The following MTHFD1L variants were observed in gnomAD, a reference collection of about 807,000 sequenced individuals.
The protein encoded by MTHFD1L is methylenetetrahydrofolate dehydrogenase (NADP+ dependent) 1 like.
Under a neutral mutation model 119.5 loss-of-function variants are expected in MTHFD1L, and 81 were observed. The ratio of observed to expected loss-of-function variants is 0.68; its 90% confidence interval spans 0.57 to 0.82. The LOEUF is 0.82. Among genes scored for constraint, MTHFD1L ranks in the 40% least tolerant of loss-of-function variants. The probability of loss-of-function intolerance (pLI) is 0.00; values close to 1 mark genes in which losing one functional copy is unlikely to be tolerated. For synonymous variants in MTHFD1L, 430 were observed against 475.2 expected, an observed-to-expected ratio of 0.90 and a Z score of 1.24; for missense variants, 1,125 against 1,253.4, an observed-to-expected ratio of 0.90 and a Z score of 1.55.
chr6:151,077,829 C>T (rs1403912556), intron 26 of MTHFD1L, among the ~76,000 whole-genome samples: 3 of 151,872 alleles, frequency 2.0e-5, no homozygotes, highest in African/African-American at 4.8e-5. Context: ...TTTGGAAGGC[C>T]GAGGCGGGCG....
intron 1 of MTHFD1L, 128 bp downstream of exon 1, chr6:150,866,177 G>C (rs1778263675): frequency 7.3e-7 from 1 of 1,366,038 alleles, no homozygotes; most frequent in African/African-American, 1.5e-5. Flanking sequence ...ACTCATTAGG[G>C]GGGCCGGGCG....
At chr6:151,087,903 T>C (rs1253072989) in intron 26 of MTHFD1L, among the ~76,000 whole-genome samples, 1 of 152,230 alleles carries the variant, frequency 6.6e-6, no homozygotes, top group Admixed American at 6.5e-5. Flanking sequence ...AATCCATTAA[T>C]GCAGCATTAC....
At chr6:151,060,714 G>C (rs778771961) in intron 26 of MTHFD1L, among the ~76,000 whole-genome samples, 2 of 152,238 alleles carry the variant, frequency 1.3e-5, no homozygotes, top group Admixed American at 6.5e-5. Context: ...ACTGCATGGG[G>C]AGGAAACAGG....
rs572759410 is a variant in MTHFD1L at position 151,082,834 on chromosome 6, G to C, written c.2848-9633G>C. Among the ~76,000 whole-genome samples, 4 of 152,252 alleles carry C rather than the reference G, an allele frequency of 2.6e-5. No homozygotes were observed. The South Asian group carries it at 8.3e-4, about 32-fold the overall frequency. On this transcript the variant is annotated intron_variant, in intron 26 of 27. Coordinates refer to ENST00000367321, the MANE Select transcript of MTHFD1L (RefSeq NM_015440.5). ...CACAATCAAAAAAAACAAAACAAAA[G>C]AAGTGAAGGCTGAGCGAAGTAACTC...
intron 26 of MTHFD1L, among the ~76,000 whole-genome samples, chr6:151,092,208 T>A (rs1174478355): frequency 6.6e-6 from 1 of 152,168 alleles, no homozygotes; most frequent in African/African-American, 2.4e-5. Context: ...GGAAGATCAC[T>A]GTTTTGTAGT....
intron 20 of MTHFD1L, among the ~76,000 whole-genome samples, chr6:150,997,475 G>A (rs1420839811): frequency 2.0e-5 from 3 of 152,118 alleles, no homozygotes; most frequent in African/African-American, 7.2e-5. Context: ...GGCTATGATT[G>A]TGCTTTGTGA....
intron 17 of MTHFD1L, chr6:150,959,057 T>G (rs1447625863): frequency 3.0e-6 from 1 of 337,712 alleles, no homozygotes; most frequent in Non-Finnish European, 4.2e-6. Flanking sequence ...AGAATGGTAG[T>G]ATAGAGAACC....
intron 7 of MTHFD1L, among the ~76,000 whole-genome samples, chr6:150,890,387 G>A (rs760993342): frequency 8.5e-5 from 13 of 152,106 alleles, no homozygotes; most frequent in Non-Finnish European, 1.3e-4. Flanking sequence ...TGGTGAAAGC[G>A]GTATCTAGCC....
intron 26 of MTHFD1L, among the ~76,000 whole-genome samples, chr6:151,054,247 A>C (rs866380908): frequency 1.3e-4 from 20 of 152,248 alleles, no homozygotes; most frequent in African/African-American, 4.8e-4. Flanking sequence ...CTACAACAAC[A>C]TCACGAAAAA....
At chr6:150,894,195 C>T (rs551661299) in intron 7 of MTHFD1L, among the ~76,000 whole-genome samples, 1 of 152,248 alleles carries the variant, frequency 6.6e-6, no homozygotes, top group East Asian at 1.9e-4. Flanking sequence ...GAGATTGCAC[C>T]ACCGCACTGC....
chr6:151,030,753 A>T (rs1368562979), intron 24 of MTHFD1L, among the ~76,000 whole-genome samples: 1 of 152,216 alleles, frequency 6.6e-6, no homozygotes, highest in African/African-American at 2.4e-5. Flanking sequence ...TCATTGGTTC[A>T]ACTGTATAGG....
chr6:150,868,990 G>A (rs1034939567), intron 1 of MTHFD1L, among the ~76,000 whole-genome samples: 2 of 152,160 alleles, frequency 1.3e-5, no homozygotes, highest in Non-Finnish European at 2.9e-5. Context: ...GAGCCCAGGA[G>A]GTCAAGGCTA....
chr6:151,049,661 C>CAAA (rs34116073), intron 26 of MTHFD1L, among the ~76,000 whole-genome samples: 3 of 111,538 alleles, frequency 2.7e-5, no homozygotes, highest in African/African-American at 1.1e-4. Context: ...GACTCCATCT[C>CAAA]AAAAAAAAAA....
At position 151,039,051 on chromosome 6, in the gene MTHFD1L, C is replaced by A. The variant is rs897056251; in HGVS notation, c.2847+1934C>A. On this transcript the variant is annotated intron_variant, in intron 26 of 27. Transcript: ENST00000367321. This position sits in a 1 kb window ranked among gnomAD's most constrained non-coding sequence, Gnocchi z 4.4. ...GTTTAAGGATATGGGTGAAGGCAGT[C>A]GTTAAACAAGAGACACAGGGATAGC... 4.6e-5 allele frequency among the ~76,000 whole-genome samples: 7 copies of A among 152,056 alleles called. No individual in the cohort carries two copies. The highest frequency in any genetic ancestry group is 1.7e-4 in the African/African-American group (7 of 41,380).
chr6:150,960,223 G>A, intron 17 of MTHFD1L, 52 bp from the exon 18 acceptor site: 3 of 1,550,938 alleles, frequency 1.9e-6, no homozygotes, highest in Non-Finnish European at 8.7e-7. Context: ...TGTGGGAATG[G>A]CCATCCCACT....
At chr6:151,026,085 T>C (rs1784573916) in intron 24 of MTHFD1L, among the ~76,000 whole-genome samples, 1 of 152,234 alleles carries the variant, frequency 6.6e-6, no homozygotes, top group Non-Finnish European at 1.5e-5. Context: ...TACAGATCAA[T>C]TTTATTCCAC....
At chr6:151,076,470 GGAA>G (rs1424618797) in intron 26 of MTHFD1L, among the ~76,000 whole-genome samples, 3 of 151,992 alleles carry the variant, frequency 2.0e-5, no homozygotes, top group African/African-American at 7.2e-5. Context: ...GGCAACATGG[GGAA>G]ACCCCAACTC....
intron 27 of MTHFD1L, among the ~76,000 whole-genome samples, chr6:151,096,755 G>A (rs1794926828): frequency 6.6e-6 from 1 of 152,194 alleles, no homozygotes; most frequent in Admixed American, 6.5e-5. Flanking sequence ...GTTCCACTCA[G>A]GAAGAAGATT....
chr6:150,961,541 A>G (rs982885901), intron 18 of MTHFD1L, among the ~76,000 whole-genome samples: 1 of 152,232 alleles, frequency 6.6e-6, no homozygotes, highest in East Asian at 1.9e-4. Context: ...AATCTCCTAC[A>G]ATAATGGAAC....
Sources: allele counts gnomAD v4.1 joint callset (sites outside exome capture counted in the v4.1 genomes callset), GRCh38; gene constraint gnomAD v4.1.1; non-coding constraint Gnocchi (gnomAD v3.1); transcripts MANE v1.5; gene names NCBI Gene and HGNC (gene_info 2026-07-23, HGNC 2026-07-21).